TMEM38B: variants seen among roughly 807,000 people sequenced by gnomAD.
TMEM38B encodes the protein transmembrane protein 38B, also known as trimeric intracellular cation channel type B.
Under a neutral mutation model 28.7 loss-of-function variants are expected in TMEM38B, and 24 were observed. That is an observed-to-expected ratio of 0.84 (90% CI 0.61 to 1.18). TMEM38B has a LOEUF of 1.18. Among genes scored for constraint, TMEM38B ranks in the 50% most tolerant of loss-of-function variants. The pLI, the probability that TMEM38B is intolerant of heterozygous loss-of-function variation, is 0.00. For synonymous variants in TMEM38B, 131 were observed against 127.7 expected (o/e 1.03, Z -0.17); for missense variants, 380 against 350.9 (o/e 1.08, Z -0.66).
At chr9:105,746,214 C>T (rs1392345766) in intron 4 of TMEM38B, among the ~76,000 whole-genome samples, 4 of 146,108 alleles carry the variant, frequency 2.7e-5, no homozygotes, top group African/African-American at 1.1e-4. Context: ...TACTCATGAG[C>T]ATGGAATGTT....
At chr9:105,724,172 C>T (rs888814704) in intron 4 of TMEM38B, among the ~76,000 whole-genome samples, 4 of 152,142 alleles carry the variant, frequency 2.6e-5, no homozygotes, top group African/African-American at 9.7e-5. Context: ...ATACGTTTCT[C>T]ATGTACCTAA....
chr9:105,734,367 C>G (rs1487395452), intron 4 of TMEM38B, among the ~76,000 whole-genome samples: 2 of 152,008 alleles, frequency 1.3e-5, no homozygotes, highest in Non-Finnish European at 2.9e-5. Flanking sequence ...AACATGTGGT[C>G]CATCCTGGAG....
At chr9:105,697,867 T>A (rs758904894) in intron 1 of TMEM38B, among the ~76,000 whole-genome samples, 2 of 152,156 alleles carry the variant, frequency 1.3e-5, no homozygotes, top group Non-Finnish European at 2.9e-5. Context: ...TCGTCCTTGA[T>A]CTTTTTTTAA....
intron 5 of TMEM38B, chr9:105,758,408 GC>G: frequency 7.4e-7 from 1 of 1,350,836 alleles, no homozygotes; most frequent in Non-Finnish European, 1.1e-6. Flanking sequence ...GAGCAGGAAT[GC>G]CTCTAAGAAA....
chr9:105,705,128 T>G (rs908710497), intron 1 of TMEM38B, among the ~76,000 whole-genome samples: 1 of 152,236 alleles, frequency 6.6e-6, no homozygotes, highest in African/African-American at 2.4e-5. Flanking sequence ...CCTTTCACCT[T>G]TAGGTTTATT....
At chr9:105,739,605 A>T (rs1343786529) in intron 4 of TMEM38B, among the ~76,000 whole-genome samples, 1 of 151,662 alleles carries the variant, frequency 6.6e-6, no homozygotes, top group East Asian at 1.9e-4. Context: ...GCTCACTGCA[A>T]CCTCTGCCTC....
At chr9:105,729,216 C>T (rs1836638742) in intron 4 of TMEM38B, among the ~76,000 whole-genome samples, 1 of 152,172 alleles carries the variant, frequency 6.6e-6, no homozygotes, top group African/African-American at 2.4e-5. Flanking sequence ...GGTTTTAGGT[C>T]TAACATTTCA....
chr9:105,751,389 A>G (rs1436565445), intron 5 of TMEM38B, among the ~76,000 whole-genome samples: 2 of 152,158 alleles, frequency 1.3e-5, no homozygotes, highest in Non-Finnish European at 2.9e-5. Context: ...AGATCAGGAA[A>G]TCCCATCGTG....
At chr9:105,706,482 A>G (rs1835671443) in intron 2 of TMEM38B, among the ~76,000 whole-genome samples, 1 of 152,236 alleles carries the variant, frequency 6.6e-6, no homozygotes, top group Non-Finnish European at 1.5e-5. Flanking sequence ...TTGAATAAAG[A>G]CAGAGCGAGG....
In TMEM38B at chr9:105,759,431, A is replaced by C. The variant is rs1234081762; in HGVS notation, c.660+11241A>C. 4.5e-6 allele frequency: 7 copies of C among 1,558,504 alleles called. No homozygotes were observed. The African/African-American group carries it at 6.9e-5, about 15-fold the overall frequency. On this transcript the variant is annotated intron_variant, in intron 5 of 5. Coordinates refer to ENST00000374692, the MANE Select transcript of TMEM38B (RefSeq NM_018112.3). ...CTACGGATAAGCAATCCAGGATTTC[A>C]AGAAAGATGTGCTAAGAAAATGCAG...
chr9:105,710,787 C>A (rs935205132), intron 2 of TMEM38B: 2 of 496,738 alleles, frequency 4.0e-6, no homozygotes, highest in African/African-American at 3.8e-5. Flanking sequence ...GACATGAAGG[C>A]TGCGTGTCTC....
rs116589390 is a variant in TMEM38B, at chr9:105,726,990, A to G, written c.542+4369A>G. Among the ~76,000 whole-genome samples, 1,398 of 152,084 alleles carry G rather than the reference A, an allele frequency of 9.2e-3. 31 individuals carry two copies. Among genetic ancestry groups the G allele is most frequent in the African/African-American group, 0.031 (1,276 of 41,492 alleles). ...GGTTGTACTAGCAATTATATCTTCA[A>G]TTTTTCATAGACTACTGAGAACATT... is the stretch of plus-strand genomic sequence containing the variant. On this transcript the variant is annotated intron_variant, in intron 4 of 5. Coordinates refer to ENST00000374692, the MANE Select transcript of TMEM38B (RefSeq NM_018112.3).
At chr9:105,767,118 A>G (rs1826400284) in intron 5 of TMEM38B, among the ~76,000 whole-genome samples, 1 of 151,262 alleles carries the variant, frequency 6.6e-6, no homozygotes, top group Non-Finnish European at 1.5e-5. Context: ...ATTAAGTTTT[A>G]TGAGTCCTAC....
chr9:105,740,594 G>A (rs191460775), intron 4 of TMEM38B, among the ~76,000 whole-genome samples: 162 of 152,114 alleles, frequency 1.1e-3, no homozygotes, highest in African/African-American at 3.8e-3. Context: ...GCTAGTACGT[G>A]GAATTGTTTC....
At chr9:105,726,367 A>G (rs1836512571) in intron 4 of TMEM38B, among the ~76,000 whole-genome samples, 1 of 152,128 alleles carries the variant, frequency 6.6e-6, no homozygotes, top group Admixed American at 6.6e-5. Context: ...TTATTCTATA[A>G]GTGTTTTTCT....
At chr9:105,773,809 CTT>C (rs902074405) in intron 5 of TMEM38B, 54 bp from the exon 6 acceptor site, 11 of 1,535,428 alleles carry the variant, frequency 7.2e-6, no homozygotes, top group Admixed American at 5.5e-5. Context: ...GTTTCTCTCT[CTT>C]GAGAAACAGA....
Position 105,775,013 on chromosome 9 carries a change from T to C in TMEM38B, c.*933T>C, listed in dbSNP as rs1317998229. 1 of 152,112 alleles carries C rather than the reference T, an allele frequency of 6.6e-6. No homozygotes were observed. Among genetic ancestry groups the C allele is most frequent in the Non-Finnish European group, 1.5e-5 (1 of 67,956 alleles). The allele number at this position is 152,112 out of a possible 1,614,324, so 9.4% of individuals were successfully genotyped here. On this transcript the variant is annotated 3_prime_UTR_variant, in exon 6 of 6. Transcript: ENST00000374692. ...AATTATTCAACAAAAAGCATATCCG[T>C]TCAAAAATTTTTCCACTATGTCTTT... is the stretch of plus-strand genomic sequence containing the variant.
intron 2 of TMEM38B, among the ~76,000 whole-genome samples, chr9:105,711,816 T>C (rs1835914061): frequency 6.9e-6 from 1 of 145,576 alleles, no homozygotes; most frequent in Admixed American, 6.9e-5. Context: ...TGAGACCCTG[T>C]CTCCAAAAAA....
chr9:105,758,900 T>G, intron 5 of TMEM38B: 2 of 1,187,790 alleles, frequency 1.7e-6, no homozygotes, highest in Non-Finnish European at 2.5e-6. Context: ...TTTGGAGATA[T>G]GTTATTCTGA....
Sources: allele counts gnomAD v4.1 joint callset (sites outside exome capture counted in the v4.1 genomes callset), GRCh38; gene constraint gnomAD v4.1.1; transcripts MANE v1.5; gene names NCBI Gene and HGNC (gene_info 2026-07-23, HGNC 2026-07-21).